Variants in RAPGEF4 observed in about 807,000 individuals in gnomAD.
RAPGEF4 encodes Rap guanine nucleotide exchange factor 4.
A neutral mutation model predicts 147.9 loss-of-function variants in RAPGEF4; 66 were observed. The observed-to-expected ratio is 0.45, with a 90% CI of 0.37 to 0.55. The LOEUF is 0.55. Ranked by LOEUF, RAPGEF4 falls within the 20% of genes least tolerant of loss-of-function variation. The pLI is 0.00. For missense variants in RAPGEF4, 1,071 were observed against 1,257.3 expected (o/e 0.85, Z 2.24); for synonymous variants, 419 against 442.7 (o/e 0.95, Z 0.67).
intron 1 of RAPGEF4, among the ~76,000 whole-genome samples, chr2:172,740,733 C>T (rs151302507): frequency 1.4e-3 from 215 of 152,304 alleles, no homozygotes; most frequent in Non-Finnish European, 2.6e-3. Context: ...CAAGGGATGA[C>T]ATTACCCCGG....
At chr2:172,893,375 C>T (rs1559102758) in intron 4 of RAPGEF4, among the ~76,000 whole-genome samples, 1 of 152,212 alleles carries the variant, frequency 6.6e-6, no homozygotes, top group Non-Finnish European at 1.5e-5. Flanking sequence ...GCGGCCACCA[C>T]ATGTCCTGTG....
At chr2:172,770,202 A>G (rs1465869750) in intron 1 of RAPGEF4, among the ~76,000 whole-genome samples, 1 of 152,172 alleles carries the variant, frequency 6.6e-6, no homozygotes, top group African/African-American at 2.4e-5. Context: ...TAAATATTGA[A>G]CCAACAGTCA....
At chr2:172,746,407 G>A (rs566406727) in intron 1 of RAPGEF4, among the ~76,000 whole-genome samples, 2 of 152,262 alleles carry the variant, frequency 1.3e-5, no homozygotes, top group South Asian at 4.1e-4. Flanking sequence ...ACAAATGGTG[G>A]TCAAGAGCCC....
intron 17 of RAPGEF4, among the ~76,000 whole-genome samples, chr2:173,009,039 G>C (rs1575505945): frequency 6.6e-6 from 1 of 152,302 alleles, no homozygotes; most frequent in East Asian, 1.9e-4. Context: ...ACACAATGCT[G>C]AAGGAGGTGG....
intron 1 of RAPGEF4, among the ~76,000 whole-genome samples, chr2:172,773,777 A>T (rs192019523): frequency 3.5e-4 from 54 of 152,228 alleles, no homozygotes; most frequent in African/African-American, 1.2e-3. Context: ...AAACAAAACA[A>T]AACAAAACAA....
rs1574946260 is a variant in RAPGEF4, at chr2:172,821,359, G to A, written c.444+6934G>A. The stretch of plus-strand genomic sequence containing the variant: ...CATACCCTCATCAGGAGCAACCAGA[G>A]CCTCCAAGCCAAGGGGCCTGCATTC... On this transcript the variant is annotated intron_variant, in intron 4 of 30. Transcript: ENST00000397081. 5.9e-5 allele frequency among the ~76,000 whole-genome samples: 9 copies of A among 152,322 alleles called. 1 individual carries two copies. The highest frequency in any genetic ancestry group is 5.9e-4 in the Admixed American group (9 of 15,304).
chr2:172,831,457 T>C (rs1192568175), intron 4 of RAPGEF4, among the ~76,000 whole-genome samples: 2 of 151,540 alleles, frequency 1.3e-5, no homozygotes, highest in East Asian at 1.9e-4. Flanking sequence ...TTAGTAGAGA[T>C]GGAGTTTCAC....
intron 4 of RAPGEF4, among the ~76,000 whole-genome samples, chr2:172,823,904 C>T (rs963297929): frequency 2.6e-5 from 4 of 152,332 alleles, no homozygotes; most frequent in Admixed American, 6.5e-5. Flanking sequence ...GCAAAGCTCT[C>T]CAGCTTCCTA....
At chr2:172,960,634 CT>C in intron 6 of RAPGEF4, 125 bp from the exon 7 acceptor site, 1 of 680,614 alleles carries the variant, frequency 1.5e-6, no homozygotes, top group Non-Finnish European at 2.3e-6. Context: ...GAATTTATCT[CT>C]TATTTTTTTA....
intron 1 of RAPGEF4, among the ~76,000 whole-genome samples, chr2:172,784,161 T>C (rs1253098921): frequency 6.6e-6 from 1 of 152,162 alleles, no homozygotes; most frequent in Non-Finnish European, 1.5e-5. Context: ...GGGACCATGA[T>C]CTTTATATCA....
chr2:172,965,284 C>G (rs74468203), intron 8 of RAPGEF4: 1 of 402,304 alleles, frequency 2.5e-6, no homozygotes, highest in Non-Finnish European at 4.5e-6. Flanking sequence ...ACAATCTCCC[C>G]CTCTAGCGGC....
At chr2:172,972,920 C>T (rs1204749328) in intron 10 of RAPGEF4, among the ~76,000 whole-genome samples, 2 of 152,134 alleles carry the variant, frequency 1.3e-5, no homozygotes, top group Non-Finnish European at 2.9e-5. Flanking sequence ...ATTTTGGTGC[C>T]TATCCCTTTA....
intron 4 of RAPGEF4, 75 bp from the exon 5 acceptor site, chr2:172,917,727 T>C (rs1433848974): frequency 4.4e-6 from 6 of 1,348,414 alleles, no homozygotes; most frequent in Non-Finnish European, 6.4e-6. Flanking sequence ...GCATTTCTGC[T>C]TTTTAACATG....
At chr2:172,797,660 A>G in intron 3 of RAPGEF4, 47 bp downstream of exon 3, 2 of 1,402,748 alleles carry the variant, frequency 1.4e-6, no homozygotes, top group Non-Finnish European at 2.0e-6. Context: ...TTTTTTAAAG[A>G]CTTATTATCC....
chr2:173,002,423 G>A (rs1003243610), intron 17 of RAPGEF4, among the ~76,000 whole-genome samples: 1 of 152,138 alleles, frequency 6.6e-6, no homozygotes. Context: ...GTAGCACAGA[G>A]CAAACATTCT....
intron 4 of RAPGEF4, among the ~76,000 whole-genome samples, chr2:172,866,644 A>G (rs1214593181): frequency 1.3e-5 from 2 of 152,072 alleles, no homozygotes; most frequent in Non-Finnish European, 2.9e-5. Context: ...CTTGGAGAAC[A>G]GAACTCCAAA....
chr2:173,046,328 T>C (rs776745230), intron 29 of RAPGEF4, among the ~76,000 whole-genome samples: 4 of 152,178 alleles, frequency 2.6e-5, no homozygotes, highest in Non-Finnish European at 5.9e-5. Context: ...TCTCAGAGTA[T>C]AGCTTTAAAG....
intron 26 of RAPGEF4, among the ~76,000 whole-genome samples, chr2:173,030,990 G>A (rs1442905060): frequency 6.6e-6 from 1 of 152,154 alleles, no homozygotes; most frequent in African/African-American, 2.4e-5. Flanking sequence ...CATACATACA[G>A]AAATAGACTC....
chr2:172,874,175 T>A (rs1297924512), intron 4 of RAPGEF4, among the ~76,000 whole-genome samples: 1 of 152,200 alleles, frequency 6.6e-6, no homozygotes, highest in African/African-American at 2.4e-5. Context: ...AAATACCATT[T>A]GACCCAGCAA....
Sources: gnomAD v4.1 joint callset for allele counts (sites outside exome capture counted in the v4.1 genomes callset) on GRCh38, gnomAD v4.1.1 for gene constraint, MANE v1.5 for transcripts, NCBI Gene and HGNC (gene_info 2026-07-23, HGNC 2026-07-21) for gene names.